The following TRPM2 variants were observed in gnomAD, a reference collection of about 807,000 sequenced individuals.
TRPM2 encodes estrogen-responsive element-associated gene 1 protein.
A neutral mutation model predicts 174.0 loss-of-function variants in TRPM2; 161 were observed. The ratio of observed to expected loss-of-function variants is 0.93; its 90% CI spans 0.81 to 1.05. The LOEUF is 1.05. TRPM2 is among the 50% of genes least tolerant of loss of function. TRPM2 has a pLI of 0.00. For synonymous variants in TRPM2, 954 were observed against 861.3 expected (o/e 1.11, Z -1.88); for missense variants, 2,057 against 2,038.0 (o/e 1.01, Z -0.18).
intron 15 of TRPM2, 149 bp downstream of exon 15, chr21:44,400,520 G>C (rs1452249701): frequency 6.9e-6 from 5 of 729,668 alleles, no homozygotes; most frequent in African/African-American, 1.8e-5. Flanking sequence ...TGTAGAGATG[G>C]GGGTGGGAAG....
In TRPM2 at chr21:44,391,093, G is replaced by A; in HGVS notation, c.1440+68G>A. The A allele has an allele frequency of 6.2e-7, 1 of 1,603,742 alleles. No homozygotes were observed. Among genetic ancestry groups the A allele is most frequent in the Non-Finnish European group, 8.5e-7 (1 of 1,173,046 alleles). On this transcript the variant is annotated intron_variant, in intron 10 of 31. Coordinates refer to ENST00000397928, the MANE Select transcript of TRPM2 (RefSeq NM_003307.4). This position sits in a 1 kb window ranked among gnomAD's most constrained non-coding sequence, Gnocchi z 5.0. ...ACATGCATTGCACCACTGAAGCAAG[G>A]GCAGGCAAAGTTCGCATTGTCTGGA...
At chr21:44,435,865 T>A (rs1427692565) in intron 28 of TRPM2, among the ~76,000 whole-genome samples, 3 of 74,814 alleles carry the variant, frequency 4.0e-5, no homozygotes, top group Non-Finnish European at 5.6e-5. Flanking sequence ...CACTCTCCAC[T>A]CCTATCCACG....
chr21:44,400,709 G>A (rs892086687), intron 15 of TRPM2, among the ~76,000 whole-genome samples: 13 of 151,886 alleles, frequency 8.6e-5, no homozygotes, highest in Non-Finnish European at 1.6e-4. Flanking sequence ...TGGGCAGTTA[G>A]TGCAGGTCTG....
Position 44,369,348 on chromosome 21 carries a change from G to A in TRPM2, c.771+5G>A. 1 of 1,605,652 alleles carries A rather than the reference G, an allele frequency of 6.2e-7. No individual in the cohort carries two copies. The highest frequency in any genetic ancestry group is 8.5e-7 in the Non-Finnish European group (1 of 1,174,414). On this transcript the variant is annotated splice_donor_5th_base_variant and intron_variant, in intron 5 of 31. Transcript: ENST00000397928. ...GAGGGCCTGATCCATCCCACGGTGA[G>A]TGCGGCCCCCTAGGGAGGGGAGCCT... is the stretch of plus-strand genomic sequence containing the variant.
intron 19 of TRPM2, among the ~76,000 whole-genome samples, chr21:44,410,071 C>T (rs8128763): frequency 0.65 from 75,087 of 115,260 alleles, 23,861 homozygotes; most frequent in Non-Finnish European, 0.7. Context: ...TCTTGGTGAG[C>T]GTAGCCTTGT....
chr21:44,440,486 G>C (rs552756822), intron 30 of TRPM2, among the ~76,000 whole-genome samples: 6 of 152,122 alleles, frequency 3.9e-5, no homozygotes, highest in Non-Finnish European at 7.3e-5. Flanking sequence ...CTGGGTGTCT[G>C]TTATGAGTGG....
chr21:44,404,092 CACACACATAT>C (rs2049756331), intron 16 of TRPM2, among the ~76,000 whole-genome samples: 3 of 151,952 alleles, frequency 2.0e-5, no homozygotes, highest in Non-Finnish European at 4.4e-5. Context: ...TACACACATA[CACACACATAT>C]ATACATATGC....
Position 44,391,581 on chromosome 21 carries a change from G to T in TRPM2, c.1750G>T (p.Asp584Tyr). The T allele has an allele frequency of 6.3e-7, 1 of 1,590,030 alleles. No homozygotes were observed. Among genetic ancestry groups the T allele is most frequent in the Non-Finnish European group, 8.5e-7 (1 of 1,174,350 alleles). Reference sequence around the variant, plus strand: ...GCTTTATCCCCGGCCCCGGCACAACGACCGGCTGCGGCTCCTGCTGCCCGT... The same window carrying T: ...GCTTTATCCCCGGCCCCGGCACAACTACCGGCTGCGGCTCCTGCTGCCCGT... ...QPLYPRPRHN[D>Y]RLRLLLPVPH... Residue 584 changes from aspartate to tyrosine, a missense_variant, in exon 11 of 32, where the codon GAC becomes TAC. Transcript: ENST00000397928. This position sits in a 1 kb window ranked among gnomAD's most constrained non-coding sequence, Gnocchi z 5.0.
At chr21:44,417,867 G>A (rs1841727617) in intron 20 of TRPM2, 60 bp from the exon 21 acceptor site, 1 of 1,547,566 alleles carries the variant, frequency 6.5e-7, no homozygotes, top group African/African-American at 1.4e-5. Flanking sequence ...CAGGCGGTGA[G>A]AGGGGTCTGT....
intron 11 of TRPM2, among the ~76,000 whole-genome samples, chr21:44,393,810 C>T (rs866420055): frequency 3.3e-5 from 5 of 150,980 alleles, no homozygotes; most frequent in South Asian, 2.1e-4. Context: ...GTTTTCCAAT[C>T]GATCCATTGT....
intron 25 of TRPM2, among the ~76,000 whole-genome samples, 157 bp downstream of exon 25, chr21:44,425,984 A>G (rs1274704038): frequency 6.6e-6 from 1 of 152,160 alleles, no homozygotes; most frequent in African/African-American, 2.4e-5. Flanking sequence ...ACATTTGAGG[A>G]AACCGAGGCA....
At chr21:44,389,414 T>C (rs1425428846) in intron 9 of TRPM2, among the ~76,000 whole-genome samples, 3 of 152,240 alleles carry the variant, frequency 2.0e-5, no homozygotes, top group African/African-American at 7.2e-5. Flanking sequence ...GGTCAATATC[T>C]AGGAGTGGAA....
chr21:44,406,108 T>TA, intron 18 of TRPM2, 71 bp downstream of exon 18: 1 of 1,572,974 alleles, frequency 6.4e-7, no homozygotes, highest in Non-Finnish European at 8.6e-7. Flanking sequence ...GGCAGGCCCC[T>TA]TGCCAGTGGC....
intron 27 of TRPM2, among the ~76,000 whole-genome samples, chr21:44,431,319 G>A (rs1341469728): frequency 2.2e-5 from 3 of 135,472 alleles, no homozygotes; most frequent in African/African-American, 8.3e-5. Flanking sequence ...TTTTCTTTTT[G>A]TGGAGAATGA....
At position 44,391,375 on chromosome 21, in the gene TRPM2, C is replaced by A. The variant is rs1331595944; in HGVS notation, c.1544C>A (p.Thr515Asn). 1 of 1,614,198 alleles carries A rather than the reference C, an allele frequency of 6.2e-7. No homozygotes were observed. The highest frequency in any genetic ancestry group is 8.5e-7 in the Non-Finnish European group (1 of 1,180,048). The change falls in exon 11 of 32, where the codon ACC becomes AAC. Residue 515 changes from threonine to asparagine, a missense_variant. Thr to Asn is a moderately conservative substitution (Grantham distance 65). Coordinates refer to ENST00000397928, the MANE Select transcript of TRPM2 (RefSeq NM_003307.4). This position sits in a 1 kb window ranked among gnomAD's most constrained non-coding sequence, Gnocchi z 5.0. ...GGGGTGCAGCTGAAGGAGTTTGTCACCTGGGACACCTTGCTCTACCTGTAC... is the reference window on the plus strand; with the variant it reads ...GGGGTGCAGCTGAAGGAGTTTGTCAACTGGGACACCTTGCTCTACCTGTAC... ...ENGVQLKEFV[T>N]WDTLLYLYEN... is the part of the protein sequence containing the mutation.
intron 9 of TRPM2, among the ~76,000 whole-genome samples, chr21:44,389,869 TA>T (rs1431679954): frequency 1.4e-5 from 2 of 138,158 alleles, no homozygotes; most frequent in Non-Finnish European, 3.0e-5. Flanking sequence ...GCAGGAGGCT[TA>T]AAATTTTTTT....
chr21:44,412,497 C>G (rs2050139637), intron 19 of TRPM2, among the ~76,000 whole-genome samples: 1 of 151,956 alleles, frequency 6.6e-6, no homozygotes, highest in African/African-American at 2.4e-5. Context: ...TTTCCTTGAT[C>G]AGTCTTAGCT....
At chr21:44,361,589 T>C (rs957102793) in intron 2 of TRPM2, among the ~76,000 whole-genome samples, 6 of 152,214 alleles carry the variant, frequency 3.9e-5, no homozygotes, top group African/African-American at 1.4e-4. Context: ...AGTGTAATTA[T>C]TGGTATGTTA....
At chr21:44,380,514 C>T (rs1373718291) in intron 8 of TRPM2, among the ~76,000 whole-genome samples, 1 of 152,238 alleles carries the variant, frequency 6.6e-6, no homozygotes, top group Non-Finnish European at 1.5e-5. Flanking sequence ...TTAATGCACT[C>T]TCCATAGCCA....
Sources: allele counts gnomAD v4.1 joint callset (sites outside exome capture counted in the v4.1 genomes callset), GRCh38; gene constraint gnomAD v4.1.1; non-coding constraint Gnocchi (gnomAD v3.1); transcripts MANE v1.5; gene names NCBI Gene and HGNC (gene_info 2026-07-23, HGNC 2026-07-21).